Variants in MINAR1 observed in about 807,000 individuals in gnomAD.
The protein encoded by MINAR1 is membrane integral NOTCH2 associated receptor 1.
Under a neutral mutation model 65.1 loss-of-function variants are expected in MINAR1, and 40 were observed. The ratio of observed to expected loss-of-function variants is 0.61; its 90% CI spans 0.48 to 0.80. The LOEUF is 0.80. Ranked by LOEUF, MINAR1 falls within the 30% of genes least tolerant of loss-of-function variation. MINAR1 has a pLI of 0.00. For synonymous variants in MINAR1, 482 were observed against 449.1 expected (o/e 1.07, Z -0.93); for missense variants, 1,128 against 1,148.0 (o/e 0.98, Z 0.25).
At chr15:79,447,127 A>T (rs1159922373) in intron 1 of MINAR1, among the ~76,000 whole-genome samples, 1 of 152,018 alleles carries the variant, frequency 6.6e-6, no homozygotes, top group Admixed American at 6.6e-5. Context: ...ACCTCAAATG[A>T]TCCACCCACC....
At chr15:79,419,173 A>C in the MINAR1 span, 3 of 152,102 alleles carry the variant, frequency 2.0e-5, no homozygotes, top group Non-Finnish European at 4.4e-5. Flanking sequence ...AGAGGGCAAG[A>C]CCTCGCAGGA....
In MINAR1 at chr15:79,457,959, C is replaced by T. The variant is rs186514185; in HGVS notation, c.1812C>T (p.Gly604=). Residue 604 remains glycine (G), a synonymous_variant, in exon 2 of 4, where the codon GGC becomes GGT. Transcript: ENST00000305428. The part of the protein sequence containing the change: ...TSVCKLVLRI[G]EIERKLESLS... Reference sequence around the variant, plus strand: ...TGTGCAAACTGGTGCTCAGGATTGGCGAAATTGAACGGAAGCTGGAATCCC... The same window carrying T: ...TGTGCAAACTGGTGCTCAGGATTGGTGAAATTGAACGGAAGCTGGAATCCC... 6.9e-5 allele frequency: 111 copies of T among 1,614,044 alleles called. No individual in the cohort carries two copies. Among genetic ancestry groups the T allele is most frequent in the Admixed American group, 3.3e-5 (2 of 60,020 alleles).
intron 1 of MINAR1, among the ~76,000 whole-genome samples, chr15:79,442,290 T>G (rs552620624): frequency 2.3e-4 from 35 of 152,244 alleles, no homozygotes; most frequent in African/African-American, 8.4e-4. Context: ...TAACCAATTA[T>G]TCCAGTAGTA....
Position 79,442,795 on chromosome 15 carries a change from T to C in MINAR1, c.-51+10255T>C, listed in dbSNP as rs567889626. 3.1e-3 allele frequency among the ~76,000 whole-genome samples: 472 copies of C among 152,168 alleles called. 5 individuals are homozygous for C. Among genetic ancestry groups the C allele is most frequent in the African/African-American group, 0.011 (456 of 41,504 alleles). On this transcript the variant is annotated intron_variant, in intron 1 of 3. Coordinates refer to ENST00000305428, the MANE Select transcript of MINAR1 (RefSeq NM_015206.3). ...TTACCTTATTTAAAATTAGTACTTATTTTAAAAAATTAAGAAAAGTACATA... is the reference window on the plus strand; with the variant it reads ...TTACCTTATTTAAAATTAGTACTTACTTTAAAAAATTAAGAAAAGTACATA...
At chr15:79,462,193 A>C (rs1186520548) in intron 2 of MINAR1, among the ~76,000 whole-genome samples, 1 of 152,130 alleles carries the variant, frequency 6.6e-6, no homozygotes, top group East Asian at 1.9e-4. Context: ...AGGTGAACAA[A>C]ATGATCCCTT....
chr15:79,450,888 G>C (rs1042602221), intron 1 of MINAR1, among the ~76,000 whole-genome samples: 3 of 152,294 alleles, frequency 2.0e-5, no homozygotes, highest in Non-Finnish European at 4.4e-5. Context: ...ATGAGTGACA[G>C]CTGTTATTTG....
In MINAR1 at chr15:79,468,193, G is replaced by C. The variant is rs1176201170; in HGVS notation, c.2560G>C (p.Glu854Gln). The change falls in exon 4 of 4, where the codon GAA (glutamate) becomes CAA (glutamine). Residue 854 changes from glutamate to glutamine, a missense_variant. Physicochemically the swap from Glu to Gln is conservative, Grantham distance 29. Transcript: ENST00000305428. ...ATCTTCTCTTCGCTTTTAGACGCAA[G>C]AATCTTTAAACCCAAATAATTTAGA... ...KLTALDLQTQ[E>Q]SLNPNNLEYW... is the part of the protein sequence containing the mutation. The C allele has an allele frequency of 6.2e-7, 1 of 1,613,342 alleles. No individual in the cohort carries two copies. The highest frequency in any genetic ancestry group is 1.1e-5 in the South Asian group (1 of 91,024).
intron 1 of MINAR1, among the ~76,000 whole-genome samples, chr15:79,452,735 G>T (rs199817958): frequency 5.0e-5 from 7 of 138,820 alleles, no homozygotes; most frequent in East Asian, 2.7e-4. Flanking sequence ...AGTCTGTGTG[G>T]GTGTGTGGGG....
Position 79,469,532 on chromosome 15 carries a change from T to C in MINAR1, c.*1148T>C, listed in dbSNP as rs148329574. ...AAAATATTATCTGTTTAACCACTTA[T>C]CTATATGTCTATCTATCTATCTATA... On this transcript the variant is annotated 3_prime_UTR_variant, in exon 4 of 4. Transcript: ENST00000305428. 4.0e-5 allele frequency: 6 copies of C among 151,642 alleles called. No homozygotes were observed. Among genetic ancestry groups the C allele is most frequent in the Non-Finnish European group, 7.4e-5 (5 of 67,874 alleles). 9.4% of individuals were successfully genotyped at this position (151,642 alleles called of 1,614,324 possible).
intron 1 of MINAR1, 72 bp downstream of exon 1, chr15:79,432,612 G>GTGT: frequency 6.6e-6 from 1 of 152,446 alleles, no homozygotes; most frequent in Non-Finnish European, 1.5e-5. Context: ...GTGTGTTCGC[G>GTGT]GTGTGCCCGC....
chr15:79,471,600 C>G lies in MINAR1; in HGVS notation c.*3216C>G, dbSNP rs1365793630. On this transcript the variant is annotated 3_prime_UTR_variant, in exon 4 of 4. Transcript: ENST00000305428. ...CTAGTTTAATAGACGTGCTAAATAT[C>G]ACTGTTCTGAATATCTGTGCCATAG... is the stretch of plus-strand genomic sequence containing the variant. 2 of 152,432 alleles carry G rather than the reference C, an allele frequency of 1.3e-5. No homozygotes were observed. The highest frequency in any genetic ancestry group is 2.9e-5 in the Non-Finnish European group (2 of 68,006). The allele number at this position is 152,432 out of a possible 1,614,324, so 9.4% of individuals were successfully genotyped here.
chr15:79,468,643 C>CT lies in MINAR1; in HGVS notation c.*260dup, dbSNP rs1349336778. 2.1e-6 allele frequency: 1 copy of CT among 471,192 alleles called. No individual in the cohort carries two copies. The highest frequency in any genetic ancestry group is 3.8e-6 in the Non-Finnish European group (1 of 264,356). The allele number at this position is 471,192 out of a possible 1,614,324, so 29.2% of individuals were successfully genotyped here. A position where few individuals can be genotyped will look rare whatever the true frequency, so the allele number is the denominator to read the frequency against. On this transcript the variant is annotated 3_prime_UTR_variant, in exon 4 of 4. Coordinates refer to ENST00000305428, the MANE Select transcript of MINAR1 (RefSeq NM_015206.3). ...TTTCCTACCAAAAGAACATCATGGA[C>CT]TATCAATAAATACAAATTGAATATT...
chr15:79,425,231 G>A, the MINAR1 span: 1 of 152,032 alleles, frequency 6.6e-6, no homozygotes, highest in South Asian at 2.1e-4. Flanking sequence ...TTAGAGATGG[G>A]GTTTCACCAT....
In MINAR1 at chr15:79,456,266, T is replaced by C. The variant is rs1895407162; in HGVS notation, c.119T>C (p.Leu40Pro). 1 of 1,614,222 alleles carries C rather than the reference T, an allele frequency of 6.2e-7. No individual in the cohort carries two copies. The highest frequency in any genetic ancestry group is 8.5e-7 in the Non-Finnish European group (1 of 1,180,036). Reference sequence around the variant, plus strand: ...AAATCTCTCTGTGCCCGGTTCGACCTGTCGCAGCTTGCCAAACTGAGAAGT... The same window carrying C: ...AAATCTCTCTGTGCCCGGTTCGACCCGTCGCAGCTTGCCAAACTGAGAAGT... ...LCKSLCARFD[L>P]SQLAKLRSVL... The change falls in exon 2 of 4, where the codon CTG becomes CCG. Residue 40 changes from leucine to proline, a missense_variant. By Grantham distance (98) the Leu-to-Pro change is moderately conservative. Coordinates refer to ENST00000305428, the MANE Select transcript of MINAR1 (RefSeq NM_015206.3).
chr15:79,463,457 C>A (rs1368129237), intron 3 of MINAR1, 136 bp downstream of exon 3: 2 of 985,372 alleles, frequency 2.0e-6, no homozygotes, highest in Non-Finnish European at 3.0e-6. Flanking sequence ...ACATGGAATT[C>A]AGAACTTTAA....
the MINAR1 span, chr15:79,414,353 G>T: frequency 6.6e-6 from 1 of 152,210 alleles, no homozygotes; most frequent in Non-Finnish European, 1.5e-5. Flanking sequence ...TTACATGCAT[G>T]TTTTCAATCT....
At chr15:79,413,324 G>A in the MINAR1 span, 145,173 of 152,270 alleles carry the variant, frequency 0.95, 69,594 homozygotes, top group East Asian at 1. Flanking sequence ...CGTTTGCAAC[G>A]CAGACAGCTG....
chr15:79,411,811 G>A, the MINAR1 span: 1 of 305,254 alleles, frequency 3.3e-6, no homozygotes, highest in Non-Finnish European at 6.3e-6. Context: ...TGGTGTGGGA[G>A]CATTTGCAAT....
intron 1 of MINAR1, among the ~76,000 whole-genome samples, chr15:79,436,482 A>C (rs1000286909): frequency 2.6e-5 from 4 of 152,244 alleles, no homozygotes; most frequent in African/African-American, 9.6e-5. Flanking sequence ...TTCATAGTTT[A>C]GAGAGAAGCA....
Sources: gnomAD v4.1 joint callset for allele counts (sites outside exome capture counted in the v4.1 genomes callset) on GRCh38, gnomAD v4.1.1 for gene constraint, MANE v1.5 for transcripts, NCBI Gene and HGNC (gene_info 2026-07-23, HGNC 2026-07-21) for gene names.